ANKRD6: variants seen among roughly 807,000 people sequenced by gnomAD.
ANKRD6 encodes the protein ankyrin repeat domain 6.
ANKRD6 carries 56 observed loss-of-function variants against 82.3 expected under a neutral mutation model. The observed-to-expected ratio is 0.68, with a 90% CI of 0.55 to 0.85. The LOEUF (loss-of-function observed/expected upper bound fraction) is 0.85, where lower values mean the gene tolerates loss of function less well. ANKRD6 is among the 40% of genes least tolerant of loss of function. ANKRD6 has a pLI of 0.00. For missense variants in ANKRD6, 852 were observed against 907.6 expected (o/e 0.94, Z 0.79); for synonymous variants, 347 against 352.1 (o/e 0.99, Z 0.16).
intron 5 of ANKRD6, among the ~76,000 whole-genome samples, chr6:89,610,545 T>A (rs1799962465): frequency 6.6e-6 from 1 of 152,184 alleles, no homozygotes; most frequent in African/African-American, 2.4e-5. Flanking sequence ...TCATCGATAT[T>A]TCCTTATTGG....
intron 1 of ANKRD6, among the ~76,000 whole-genome samples, chr6:89,528,250 C>A (rs1453291729): frequency 1.3e-5 from 2 of 152,246 alleles, no homozygotes; most frequent in African/African-American, 4.8e-5. Flanking sequence ...TGGAGTCAAT[C>A]TTCTCAAATC....
intron 3 of ANKRD6, chr6:89,598,268 C>T: frequency 1.0e-6 from 1 of 985,304 alleles, no homozygotes. Flanking sequence ...CATTGGAGCG[C>T]TAATGCCATC....
At chr6:89,558,384 AT>A in intron 1 of ANKRD6, among the ~76,000 whole-genome samples, 1 of 152,338 alleles carries the variant, frequency 6.6e-6, no homozygotes, top group Non-Finnish European at 1.5e-5. Flanking sequence ...ATACAATGGA[AT>A]ATTATTCAGC....
chr6:89,565,422 T>C (rs898799270), intron 1 of ANKRD6: 2 of 152,054 alleles, frequency 1.3e-5, no homozygotes, highest in African/African-American at 2.4e-5. Context: ...GAGTGGGGGG[T>C]AAGAATTCTT....
At chr6:89,559,444 A>G (rs1254809485) in intron 1 of ANKRD6, among the ~76,000 whole-genome samples, 2 of 152,180 alleles carry the variant, frequency 1.3e-5, no homozygotes, top group African/African-American at 4.8e-5. Context: ...ACAGTTCCTT[A>G]TGCCCATCTC....
intron 3 of ANKRD6, among the ~76,000 whole-genome samples, chr6:89,596,924 G>T (rs934865296): frequency 6.6e-6 from 1 of 152,236 alleles, no homozygotes; most frequent in East Asian, 1.9e-4. Context: ...GAATGTTGGA[G>T]TGTTTGCACT....
chr6:89,476,966 A>G (rs1776108883), intron 1 of ANKRD6, among the ~76,000 whole-genome samples: 3 of 152,210 alleles, frequency 2.0e-5, no homozygotes, highest in South Asian at 2.1e-4. Flanking sequence ...GTTTTTTGAG[A>G]CGGAGTCTCG....
intron 2 of ANKRD6, 102 bp from the exon 3 acceptor site, chr6:89,595,814 C>T: frequency 2.4e-6 from 2 of 841,784 alleles, no homozygotes; most frequent in Non-Finnish European, 3.9e-6. Context: ...AGGGAGTGAT[C>T]ATCCGAAAGC....
At chr6:89,534,408 C>A (rs945691549) in intron 1 of ANKRD6, among the ~76,000 whole-genome samples, 1 of 152,142 alleles carries the variant, frequency 6.6e-6, no homozygotes, top group African/African-American at 2.4e-5. Context: ...AAGTTATTTT[C>A]TGAACATAAA....
At chr6:89,558,989 A>G (rs974896134) in intron 1 of ANKRD6, among the ~76,000 whole-genome samples, 1 of 152,226 alleles carries the variant, frequency 6.6e-6, no homozygotes, top group African/African-American at 2.4e-5. Flanking sequence ...CCGTGCATAT[A>G]CAATCTTGAG....
intron 2 of ANKRD6, among the ~76,000 whole-genome samples, chr6:89,572,501 T>C (rs1298281571): frequency 1.3e-5 from 2 of 152,254 alleles, no homozygotes; most frequent in African/African-American, 4.8e-5. Context: ...CTGCTGATTG[T>C]GTTCTTTGAT....
At chr6:89,524,116 C>CT (rs891946047) in intron 1 of ANKRD6, among the ~76,000 whole-genome samples, 31 of 152,002 alleles carry the variant, frequency 2.0e-4, no homozygotes, top group African/African-American at 7.5e-4. Flanking sequence ...CACAGGAGCT[C>CT]TTTCTGCTGT....
intron 1 of ANKRD6, among the ~76,000 whole-genome samples, chr6:89,471,129 T>C (rs1030719321): frequency 6.6e-6 from 1 of 151,938 alleles, no homozygotes; most frequent in African/African-American, 2.4e-5. Flanking sequence ...TTCAGGTGGA[T>C]CACTTGAGAT....
intron 1 of ANKRD6, among the ~76,000 whole-genome samples, chr6:89,482,247 A>G (rs2127810575): frequency 6.6e-6 from 1 of 152,340 alleles, no homozygotes; most frequent in South Asian, 2.1e-4. Context: ...TGGGAAAAGG[A>G]AAAGGAATTT....
At chr6:89,603,503 T>G (rs1285936215) in intron 4 of ANKRD6, among the ~76,000 whole-genome samples, 2 of 152,020 alleles carry the variant, frequency 1.3e-5, no homozygotes, top group Admixed American at 6.6e-5. Context: ...TTTTTAAAAA[T>G]CTTTTTCCTT....
At chr6:89,468,826 T>C (rs1775137768) in intron 1 of ANKRD6, among the ~76,000 whole-genome samples, 1 of 152,176 alleles carries the variant, frequency 6.6e-6, no homozygotes, top group Non-Finnish European at 1.5e-5. Flanking sequence ...AAAAATTGTA[T>C]TGCAAACCTT....
At position 89,606,271 on chromosome 6, in the gene ANKRD6, A is replaced by G. The variant is rs114765466; in HGVS notation, c.417+166A>G. On this transcript the variant is annotated intron_variant, in intron 5 of 15. Transcript: ENST00000339746. ...AGTTTCATTTGCAGAAAAGGCTAGA[A>G]GCTGATTGATATTCCAGGTCAGGAG... Among the ~76,000 whole-genome samples the G allele has an allele frequency of 6.3e-3, 955 of 152,314 alleles. 13 individuals are homozygous for G. Among genetic ancestry groups the G allele is most frequent in the African/African-American group, 0.022 (908 of 41,562 alleles).
chr6:89,512,676 T>C (rs1192679484), intron 1 of ANKRD6, among the ~76,000 whole-genome samples: 2 of 152,218 alleles, frequency 1.3e-5, no homozygotes, highest in Admixed American at 6.5e-5. Flanking sequence ...AAGCATGGAA[T>C]TGGATTCCCT....
chr6:89,531,205 CG>C (rs1361624437), intron 1 of ANKRD6, among the ~76,000 whole-genome samples: 1 of 152,194 alleles, frequency 6.6e-6, no homozygotes, highest in Non-Finnish European at 1.5e-5. Flanking sequence ...AGCCAAAGTG[CG>C]GATCTGTTCT....
Sources: allele counts gnomAD v4.1 joint callset (sites outside exome capture counted in the v4.1 genomes callset), GRCh38; gene constraint gnomAD v4.1.1; transcripts MANE v1.5; gene names NCBI Gene and HGNC (gene_info 2026-07-23, HGNC 2026-07-21).